The following ABCB5 variants were observed in gnomAD, a reference collection of about 807,000 sequenced individuals.
ABCB5 encodes ATP binding cassette subfamily B member 5.
ABCB5 carries 155 observed loss-of-function variants against 144.2 expected under a neutral mutation model. That is an observed-to-expected ratio of 1.08 (90% CI 0.94 to 1.23). The LOEUF (loss-of-function observed/expected upper bound fraction) is 1.23. Among genes scored for constraint, ABCB5 ranks in the 50% most tolerant of loss-of-function variants. The pLI is 0.00. For missense variants in ABCB5, 1,830 were observed against 1,520.8 expected (o/e 1.20, Z -3.38); for synonymous variants, 610 against 528.6 (o/e 1.15, Z -2.11).
chr7:20,718,337 G>A (rs1781754921), intron 20 of ABCB5, among the ~76,000 whole-genome samples: 2 of 152,190 alleles, frequency 1.3e-5, no homozygotes, highest in South Asian at 4.1e-4. Context: ...TCCAGGGGAT[G>A]AACTGTAAGT....
chr7:20,638,795 T>A (rs1444838187), intron 5 of ABCB5, among the ~76,000 whole-genome samples: 1 of 152,226 alleles, frequency 6.6e-6, no homozygotes, highest in African/African-American at 2.4e-5. Context: ...ACTTTTTGGC[T>A]ATTTACAAAT....
At chr7:20,676,666 T>G (rs1247079916) in intron 14 of ABCB5, among the ~76,000 whole-genome samples, 1 of 152,182 alleles carries the variant, frequency 6.6e-6, no homozygotes. Flanking sequence ...TTCTAGACAT[T>G]AACACTACAA....
chr7:20,642,895 A>G (rs950595422), intron 5 of ABCB5, among the ~76,000 whole-genome samples: 2 of 152,172 alleles, frequency 1.3e-5, no homozygotes, highest in African/African-American at 2.4e-5. Flanking sequence ...GATTGACTCA[A>G]TGGAACTTTT....
chr7:20,706,831 C>G (rs1477942349), intron 20 of ABCB5, among the ~76,000 whole-genome samples: 2 of 152,136 alleles, frequency 1.3e-5, no homozygotes, highest in African/African-American at 2.4e-5. Flanking sequence ...GGGACTCTAT[C>G]TCTATATTTT....
chr7:20,640,461 C>G (rs1004932663), intron 5 of ABCB5, among the ~76,000 whole-genome samples: 2 of 152,128 alleles, frequency 1.3e-5, no homozygotes, highest in African/African-American at 2.4e-5. Context: ...TCTGACACAC[C>G]TGTTTTCTAG....
At chr7:20,649,714 A>G (rs1784520161) in intron 11 of ABCB5, among the ~76,000 whole-genome samples, 1 of 152,238 alleles carries the variant, frequency 6.6e-6, no homozygotes. Context: ...TAAGACTTTC[A>G]TTAACTTGAT....
chr7:20,651,756 C>T, intron 13 of ABCB5, 133 bp downstream of exon 13: 1 of 909,414 alleles, frequency 1.1e-6, no homozygotes, highest in Admixed American at 2.6e-5. Context: ...CTAGAACAAG[C>T]TTGTCCAACC....
chr7:20,698,437 A>G lies in ABCB5; in HGVS notation c.2041A>G (p.Ile681Val). ...ISLPEVSLLKILKLNKPEWPF... is the reference protein window; with the variant it reads ...ISLPEVSLLKVLKLNKPEWPF... The stretch of plus-strand genomic sequence containing the variant: ...TCTTCCTGAAGTCTCTCTATTAAAA[A>G]TTTTAAAGTTAAACAAGCCTGAATG... Residue 681 changes from isoleucine (I) to valine (V), a missense_variant, in exon 17 of 28, where the codon ATT (isoleucine) becomes GTT (valine). Physicochemically the swap from Ile to Val is conservative, Grantham distance 29. Transcript: ENST00000404938. 3.2e-6 allele frequency: 5 copies of G among 1,582,256 alleles called. No individual in the cohort carries two copies. Among genetic ancestry groups the G allele is most frequent in the Non-Finnish European group, 4.3e-6 (5 of 1,170,820 alleles).
chr7:20,659,130 A>G (rs1784912340), intron 14 of ABCB5: 1 of 1,613,834 alleles, frequency 6.2e-7, no homozygotes, highest in Admixed American at 1.7e-5. Context: ...ACCTTGAACC[A>G]GCGCCCTTCG....
chr7:20,659,368 T>A, intron 14 of ABCB5: 1 of 1,257,462 alleles, frequency 8.0e-7, no homozygotes. Context: ...CATTTTACTT[T>A]GCATTTGCTT....
rs1415718448 is a variant in ABCB5 at position 20,731,604 on chromosome 7, T to TC, written c.2867+3151dup. Among the ~76,000 whole-genome samples, 8 of 152,160 alleles carry TC rather than the reference T, an allele frequency of 5.3e-5. No individual in the cohort carries two copies. The East Asian group carries it at 1.5e-3, about 29-fold the overall frequency. Reference sequence around the variant, plus strand: ...CTTATCCAATTACTTAGGAGACACCTCCACTTGGAGGACTAATATCTCAAT... The same window carrying TC: ...CTTATCCAATTACTTAGGAGACACCTCCCACTTGGAGGACTAATATCTCAAT... On this transcript the variant is annotated intron_variant, in intron 23 of 27. Coordinates refer to ENST00000404938, the MANE Select transcript of ABCB5 (RefSeq NM_001163941.2).
intron 19 of ABCB5, among the ~76,000 whole-genome samples, chr7:20,700,531 C>A (rs1030277578): frequency 6.6e-6 from 1 of 152,196 alleles, no homozygotes; most frequent in African/African-American, 2.4e-5. Flanking sequence ...AATTCATGTG[C>A]ATAGCTTAAG....
chr7:20,690,744 C>T (rs901283585), intron 16 of ABCB5, among the ~76,000 whole-genome samples: 2 of 152,000 alleles, frequency 1.3e-5, no homozygotes, highest in South Asian at 2.1e-4. Context: ...GAGTCAGGAC[C>T]CTGCACCATT....
In ABCB5 at chr7:20,755,655, C is replaced by T. The variant is rs746830015; in HGVS notation, c.*31C>T. 15 of 1,599,218 alleles carry T rather than the reference C, an allele frequency of 9.4e-6. No homozygotes were observed. Among genetic ancestry groups the T allele is most frequent in the Admixed American group, 6.7e-5 (4 of 59,886 alleles). ...TTGAGGTAGCACATATTTTGATGTT[C>T]GTGTAATGCAAAGAAGGAGTACTTA... is the stretch of plus-strand genomic sequence containing the variant. On this transcript the variant is annotated 3_prime_UTR_variant, in exon 28 of 28. Coordinates refer to ENST00000404938, the MANE Select transcript of ABCB5 (RefSeq NM_001163941.2).
rs77177393 is a variant in ABCB5, at chr7:20,677,790, C to T, written c.1708-3715C>T. On this transcript the variant is annotated intron_variant, in intron 14 of 27. Coordinates refer to ENST00000404938, the MANE Select transcript of ABCB5 (RefSeq NM_001163941.2). ...CTTTGCCCCTCTTTCTACCTAGTCCCGCTGTTTAAATGACTCCCTTAATAT... is the reference window on the plus strand; with the variant it reads ...CTTTGCCCCTCTTTCTACCTAGTCCTGCTGTTTAAATGACTCCCTTAATAT... Among the ~76,000 whole-genome samples the T allele has an allele frequency of 5.1e-4, 77 of 152,230 alleles. No homozygotes were observed. In the East Asian group the frequency reaches 7.9e-3, roughly 16 times the overall value.
In ABCB5 at chr7:20,681,582, A is replaced by G. The variant is rs1293126385; in HGVS notation, c.1785A>G (p.Leu595=). 6.2e-7 allele frequency: 1 copy of G among 1,614,208 alleles called. No individual in the cohort carries two copies. Among genetic ancestry groups the G allele is most frequent in the Non-Finnish European group, 8.5e-7 (1 of 1,180,036 alleles). ...TIRSADLIVT[L]KDGMLAEKGA... ...GAAGTGCAGATTTGATTGTGACCCT[A>G]AAGGATGGAATGCTGGCGGAGAAAG... Residue 595 remains leucine, a synonymous_variant, in exon 15 of 28, where the codon CTA becomes CTG. Coordinates refer to ENST00000404938, the MANE Select transcript of ABCB5 (RefSeq NM_001163941.2).
At chr7:20,685,330 C>G (rs772022923) in intron 15 of ABCB5, among the ~76,000 whole-genome samples, 30 of 152,136 alleles carry the variant, frequency 2.0e-4, no homozygotes, top group Non-Finnish European at 3.8e-4. Context: ...ACTACAAGGT[C>G]ATAAGCCCCA....
chr7:20,699,691 A>G (rs1786547274), intron 17 of ABCB5, 134 bp from the exon 18 acceptor site: 1 of 578,454 alleles, frequency 1.7e-6, no homozygotes, highest in Non-Finnish European at 2.9e-6. Flanking sequence ...TGGGCGACAG[A>G]GCAAGATTCT....
At chr7:20,718,046 C>T (rs1397725161) in intron 20 of ABCB5, among the ~76,000 whole-genome samples, 3 of 150,174 alleles carry the variant, frequency 2.0e-5, no homozygotes, top group Admixed American at 6.6e-5. Flanking sequence ...GGACTACAGG[C>T]GCCCGCCACC....
Sources: gnomAD v4.1 joint callset for allele counts (sites outside exome capture counted in the v4.1 genomes callset) on GRCh38, gnomAD v4.1.1 for gene constraint, MANE v1.5 for transcripts, NCBI Gene and HGNC (gene_info 2026-07-23, HGNC 2026-07-21) for gene names.